PAX7: variants seen among roughly 807,000 people sequenced by gnomAD.
PAX7 encodes paired box protein Pax-7.
PAX7 carries 18 observed loss-of-function variants against 50.7 expected under a neutral mutation model. That is an observed-to-expected ratio of 0.36 (90% CI 0.25 to 0.53). The LOEUF (loss-of-function observed/expected upper bound fraction) is 0.53, where lower values mean the gene tolerates loss of function less well. Among genes scored for constraint, PAX7 ranks in the 20% least tolerant of loss-of-function variants. PAX7 has a pLI of 0.93. For missense variants in PAX7, 644 were observed against 702.9 expected (o/e 0.92, Z 0.95); for synonymous variants, 310 against 290.4 (o/e 1.07, Z -0.69).
At chr1:18,706,281 C>A (rs534239941) in intron 7 of PAX7, among the ~76,000 whole-genome samples, 1 of 152,274 alleles carries the variant, frequency 6.6e-6, no homozygotes, top group South Asian at 2.1e-4. Flanking sequence ...CTCTTCCCAA[C>A]AGGACCGGCT....
chr1:18,701,857 G>C (rs893539023), intron 6 of PAX7, among the ~76,000 whole-genome samples: 9 of 152,150 alleles, frequency 5.9e-5, no homozygotes, highest in Non-Finnish European at 1.2e-4. Context: ...GAAGGTGAGT[G>C]GGTGAGAGAG....
intron 7 of PAX7, among the ~76,000 whole-genome samples, chr1:18,724,451 C>T (rs1246397086): frequency 1.3e-5 from 2 of 152,264 alleles, no homozygotes; most frequent in Admixed American, 1.3e-4. Context: ...CTGTCTGCTC[C>T]ATTACCAGGT....
chr1:18,740,465 C>T (rs776438231), intron 8 of PAX7, among the ~76,000 whole-genome samples: 1 of 152,150 alleles, frequency 6.6e-6, no homozygotes. Flanking sequence ...TCTGGGCCAG[C>T]GACCTCTCCG....
Position 18,744,977 on chromosome 1 carries a change from C to G in PAX7, c.*48C>G, listed in dbSNP as rs777699496. 18 of 1,131,912 alleles carry G rather than the reference C, an allele frequency of 1.6e-5. No homozygotes were observed. The Admixed American group carries it at 3.5e-4, about 22-fold the overall frequency. 70.1% of individuals were successfully genotyped at this position (1,131,912 alleles called of 1,614,324 possible). A position where few individuals can be genotyped will look rare whatever the true frequency, so the allele number is the denominator to read the frequency against. ...AGCCCAATTCCCAGCCCAACCCTAA[C>G]TGACCCCTGAGCTTCCCAGCCTTGC... On this transcript the variant is annotated 3_prime_UTR_variant, in exon 9 of 9. Transcript: ENST00000420770.
At chr1:18,668,976 T>G (rs1361633356) in intron 4 of PAX7, among the ~76,000 whole-genome samples, 1 of 152,206 alleles carries the variant, frequency 6.6e-6, no homozygotes, top group African/African-American at 2.4e-5. Context: ...CCGCCTTGGC[T>G]ATAGATGAGT....
At chr1:18,657,407 A>T (rs1473514586) in intron 4 of PAX7, among the ~76,000 whole-genome samples, 1 of 152,114 alleles carries the variant, frequency 6.6e-6, no homozygotes, top group Non-Finnish European at 1.5e-5. Flanking sequence ...TCCATGAAAA[A>T]AAAAAAGCCT....
intron 4 of PAX7, among the ~76,000 whole-genome samples, chr1:18,689,081 A>C (rs2089019509): frequency 6.6e-6 from 1 of 152,026 alleles, no homozygotes; most frequent in African/African-American, 2.4e-5. Flanking sequence ...CACTCCCTAC[A>C]ACTCTAGTCC....
rs2088868759 is a variant in PAX7, at chr1:18,679,560, G to A, written c.587-12194G>A. ...AGGCCTCCCCTGCTCCAGCTTCCTG[G>A]GCGTCTGTCTTCCTCTGGCCCCTTA... On this transcript the variant is annotated intron_variant, in intron 4 of 8. Transcript: ENST00000420770. Among the ~76,000 whole-genome samples the A allele has an allele frequency of 2.6e-5, 4 of 152,148 alleles. No individual in the cohort carries two copies. The South Asian group carries it at 8.3e-4, about 32-fold the overall frequency.
In PAX7 at chr1:18,744,680, G is replaced by A. The variant is rs1193956724; in HGVS notation, c.1403-134G>A. 280 of 610,826 alleles carry A rather than the reference G, an allele frequency of 4.6e-4. No homozygotes were observed. In the East Asian group the frequency reaches 7.9e-3, roughly 17 times the overall value. 37.8% of individuals were successfully genotyped at this position (610,826 alleles called of 1,614,324 possible). A position where few individuals can be genotyped will look rare whatever the true frequency, so the allele number is the denominator to read the frequency against. The stretch of plus-strand genomic sequence containing the variant: ...AGGACGGATGGATGGATGGATGGAT[G>A]GATGGATAAATGGATGGATGGATGG... On this transcript the variant is annotated intron_variant, in intron 8 of 8. Coordinates refer to ENST00000420770, the MANE Select transcript of PAX7 (RefSeq NM_001135254.2).
intron 7 of PAX7, among the ~76,000 whole-genome samples, chr1:18,709,401 C>T (rs1351555633): frequency 6.6e-6 from 1 of 152,248 alleles, no homozygotes; most frequent in Non-Finnish European, 1.5e-5. Context: ...TCCCCACACA[C>T]CGACCTAATG....
chr1:18,696,717 A>T (rs1218452312), intron 5 of PAX7, among the ~76,000 whole-genome samples: 1 of 152,110 alleles, frequency 6.6e-6, no homozygotes, highest in Non-Finnish European at 1.5e-5. Context: ...GCTCATGGAG[A>T]TAGAGAGTAG....
intron 5 of PAX7, among the ~76,000 whole-genome samples, chr1:18,697,257 C>T (rs2089161820): frequency 6.6e-6 from 1 of 152,182 alleles, no homozygotes; most frequent in Admixed American, 6.5e-5. Flanking sequence ...AACCCAGCGC[C>T]TGCTTTCAAA....
rs72650309 is a variant in PAX7, at chr1:18,680,230, T to C, written c.587-11524T>C. Among the ~76,000 whole-genome samples the C allele has an allele frequency of 5.4e-3, 820 of 152,262 alleles. 7 individuals carry two copies. Among genetic ancestry groups the C allele is most frequent in the Non-Finnish European group, 9.2e-3 (624 of 68,024 alleles). On this transcript the variant is annotated intron_variant, in intron 4 of 8. Coordinates refer to ENST00000420770, the MANE Select transcript of PAX7 (RefSeq NM_001135254.2). ...TCAGTACCCTAGGGAATAGGCAGGA[T>C]GGCAGCTCTTATTCCCAGGGGGATG...
At chr1:18,724,475 A>G (rs1035390415) in intron 7 of PAX7, among the ~76,000 whole-genome samples, 4 of 152,202 alleles carry the variant, frequency 2.6e-5, no homozygotes, top group African/African-American at 7.2e-5. Flanking sequence ...CCAGAAAACC[A>G]ATCCGTAACT....
Position 18,700,605 on chromosome 1 carries a change from C to T in PAX7, c.787-48C>T, listed in dbSNP as rs1209122961. The stretch of plus-strand genomic sequence containing the variant: ...GGTCTACATGTGTTGCAGCTCTCTG[C>T]CAGGAACCTGGCCGAGGGGTCTCCA... On this transcript the variant is annotated intron_variant, in intron 5 of 8. Transcript: ENST00000420770. This position sits in a 1 kb window ranked among gnomAD's most constrained non-coding sequence, Gnocchi z 4.8. The T allele has an allele frequency of 1.4e-6, 2 of 1,469,210 alleles. No homozygotes were observed. The highest frequency in any genetic ancestry group is 1.8e-6 in the Non-Finnish European group (2 of 1,107,902). 91.0% of individuals were successfully genotyped at this position (1,469,210 alleles called of 1,614,324 possible). A position where few individuals can be genotyped will look rare whatever the true frequency, so the allele number is the denominator to read the frequency against.
At chr1:18,672,606 T>G (rs2789341) in intron 4 of PAX7, among the ~76,000 whole-genome samples, 39,278 of 145,558 alleles carry the variant, frequency 0.27, 5,892 homozygotes, top group Non-Finnish European at 0.34. Flanking sequence ...GTTTTTTTTT[T>G]TTTTTTTTTT....
intron 4 of PAX7, among the ~76,000 whole-genome samples, chr1:18,655,180 T>A (rs1440324321): frequency 6.6e-6 from 1 of 152,206 alleles, no homozygotes; most frequent in Non-Finnish European, 1.5e-5. Flanking sequence ...ATGAAGACAA[T>A]GTGACTCCTT....
At chr1:18,703,001 G>T in intron 6 of PAX7, 93 bp from the exon 7 acceptor site, 1 of 1,146,166 alleles carries the variant, frequency 8.7e-7, no homozygotes, top group Non-Finnish European at 1.3e-6. Flanking sequence ...TGGAGACCGG[G>T]AGGAGGAGTC....
chr1:18,724,055 G>A (rs540187169), intron 7 of PAX7, among the ~76,000 whole-genome samples: 7 of 152,300 alleles, frequency 4.6e-5, no homozygotes, highest in African/African-American at 1.7e-4. Context: ...GGGGCCCAGG[G>A]TTCTCCCGGC....
Sources: gnomAD v4.1 joint callset for allele counts (sites outside exome capture counted in the v4.1 genomes callset) on GRCh38, gnomAD v4.1.1 for gene constraint, Gnocchi (gnomAD v3.1) non-coding constraint, MANE v1.5 for transcripts, NCBI Gene and HGNC (gene_info 2026-07-23, HGNC 2026-07-21) for gene names.